The following SPATS1 variants were observed in gnomAD, a reference collection of about 807,000 sequenced individuals.
SPATS1 encodes spermatogenesis associated serine rich 1.
SPATS1 carries 23 observed loss-of-function variants against 33.6 expected under a neutral mutation model. The observed-to-expected ratio is 0.68, with a 90% CI of 0.49 to 0.97. The LOEUF (loss-of-function observed/expected upper bound fraction) is 0.97. Among genes scored for constraint, SPATS1 ranks in the 50% least tolerant of loss-of-function variants. The probability of loss-of-function intolerance (pLI) is 0.00; values close to 1 mark genes in which losing one functional copy is unlikely to be tolerated. For synonymous variants in SPATS1, 131 were observed against 125.6 expected (o/e 1.04, Z -0.29); for missense variants, 327 against 361.0 (o/e 0.91, Z 0.76).
chr6:44,351,808 AC>A (rs1788263042), intron 2 of SPATS1, among the ~76,000 whole-genome samples: 1 of 152,162 alleles, frequency 6.6e-6, no homozygotes, highest in Non-Finnish European at 1.5e-5. Flanking sequence ...TTTATTGAGC[AC>A]CTGCTTTGTG....
At chr6:44,353,711 T>C (rs1354338980) in intron 3 of SPATS1, among the ~76,000 whole-genome samples, 3 of 152,174 alleles carry the variant, frequency 2.0e-5, no homozygotes, top group Non-Finnish European at 4.4e-5. Context: ...AAGTTTATTG[T>C]AGAAAATTTG....
In SPATS1 at chr6:44,377,855, C is replaced by G. The variant is rs1402829672; in HGVS notation, c.*792C>G. On this transcript the variant is annotated 3_prime_UTR_variant, in exon 9 of 9. Transcript: ENST00000674044. ...GAGGGCTCTGGTCTCATGACCTAAT[C>G]GCCTCCCAATGGCCTTACCTCCTAA... 1 of 152,188 alleles carries G rather than the reference C, an allele frequency of 6.6e-6. No homozygotes were observed. The highest frequency in any genetic ancestry group is 1.5e-5 in the Non-Finnish European group (1 of 68,078). 9.4% of individuals were successfully genotyped at this position (152,188 alleles called of 1,614,324 possible).
intron 1 of SPATS1, 119 bp downstream of exon 1, chr6:44,342,887 G>A (rs1583073654): frequency 1.6e-6 from 2 of 1,285,202 alleles, no homozygotes; most frequent in Admixed American, 2.3e-5. Context: ...AGCCTGGTTC[G>A]GGCTGGGGGC....
intron 1 of SPATS1, 54 bp from the exon 2 acceptor site, chr6:44,343,042 G>A (rs1175807093): frequency 1.2e-6 from 2 of 1,605,372 alleles, no homozygotes; most frequent in Non-Finnish European, 1.7e-6. Context: ...TTCTTACGAG[G>A]GACTTTCTTT....
intron 2 of SPATS1, 100 bp downstream of exon 2, chr6:44,343,334 A>C: frequency 2.1e-6 from 3 of 1,416,254 alleles, no homozygotes; most frequent in Non-Finnish European, 2.0e-6. Flanking sequence ...TGAAGTTTAG[A>C]AGGAAGCTAG....
At chr6:44,352,444 C>T (rs1432051646) in intron 2 of SPATS1, among the ~76,000 whole-genome samples, 14 of 152,110 alleles carry the variant, frequency 9.2e-5, no homozygotes, top group Non-Finnish European at 1.3e-4. Flanking sequence ...CCACGCCGGG[C>T]CTAGATGTTT....
At chr6:44,352,680 T>C in intron 2 of SPATS1, 46 bp from the exon 3 acceptor site, 2 of 1,560,296 alleles carry the variant, frequency 1.3e-6, no homozygotes, top group South Asian at 2.2e-5. Context: ...TAGGGTGGAA[T>C]GTATTTTCAA....
intron 2 of SPATS1, 49 bp downstream of exon 2, chr6:44,343,283 T>A: frequency 3.9e-6 from 6 of 1,540,736 alleles, no homozygotes; most frequent in East Asian, 5.2e-5. Flanking sequence ...CACATCCAAG[T>A]ATACTACACC....
intron 7 of SPATS1, among the ~76,000 whole-genome samples, chr6:44,375,548 G>A (rs529526937): frequency 6.6e-6 from 1 of 152,308 alleles, no homozygotes; most frequent in East Asian, 1.9e-4. Flanking sequence ...GGTGGCTCAT[G>A]CCTGTAATCT....
intron 2 of SPATS1, among the ~76,000 whole-genome samples, chr6:44,351,122 C>CAAAA (rs34139961): frequency 2.3e-4 from 17 of 75,490 alleles, no homozygotes; most frequent in African/African-American, 4.6e-4. Flanking sequence ...GACTCTGTGT[C>CAAAA]AAAAAAAAAA....
intron 2 of SPATS1, among the ~76,000 whole-genome samples, chr6:44,345,119 T>A (rs1313362137): frequency 6.6e-6 from 1 of 152,054 alleles, no homozygotes; most frequent in East Asian, 1.9e-4. Flanking sequence ...TATTAGTAAG[T>A]GTTCAGGCTT....
Position 44,352,871 on chromosome 6 carries a change from A to AGAGT in SPATS1, c.286_287+2dup. ...GCCTCCCCAGAGTGTCTGCTTACGT[A>AGAGT]GAGTAAGTAAGGGTCTGGTGCAGAG... is the stretch of plus-strand genomic sequence containing the variant. On this transcript the variant is annotated frameshift_variant and splice_region_variant, in exon 3 of 9. Transcript: ENST00000674044. LOFTEE classifies it high-confidence loss of function. 6.2e-7 allele frequency: 1 copy of AGAGT among 1,613,996 alleles called. No homozygotes were observed. The highest frequency in any genetic ancestry group is 2.2e-5 in the East Asian group (1 of 44,872).
chr6:44,361,851 T>C lies in SPATS1; in HGVS notation c.433T>C (p.Trp145Arg). ...TGCAGAAGATGGGCATCGTCCTGAG[T>C]GGACATTTTACCCAAGGTTTAGCAG... ...LQTKDGHRPE[W>R]TFYPRFSSNI... is the part of the protein sequence containing the mutation. The change falls in exon 5 of 9, where the codon TGG (tryptophan) becomes CGG (arginine). Residue 145 changes from tryptophan (W) to arginine (R), a missense_variant. Coordinates refer to ENST00000674044, the MANE Select transcript of SPATS1 (RefSeq NM_001372081.1). The C allele has an allele frequency of 6.2e-7, 1 of 1,614,176 alleles. No homozygotes were observed. The highest frequency in any genetic ancestry group is 8.5e-7 in the Non-Finnish European group (1 of 1,180,042).
intron 7 of SPATS1, among the ~76,000 whole-genome samples, chr6:44,375,975 A>G (rs896945838): frequency 6.6e-6 from 1 of 151,924 alleles, no homozygotes; most frequent in Non-Finnish European, 1.5e-5. Context: ...ATGTGGTGGC[A>G]TGTGCCTATA....
In SPATS1 at chr6:44,376,306, T is replaced by A; in HGVS notation, c.759-52T>A. 8 of 1,185,416 alleles carry A rather than the reference T, an allele frequency of 6.7e-6. No homozygotes were observed. The South Asian group carries it at 9.1e-5, about 13-fold the overall frequency. The allele number at this position is 1,185,416 out of a possible 1,614,324, so 73.4% of individuals were successfully genotyped here. A position where few individuals can be genotyped will look rare whatever the true frequency, so the allele number is the denominator to read the frequency against. ...CATAATTTCTTATCCGCTGTTGGTG[T>A]TTGTAAATTTTGCATCAAACTACAA... On this transcript the variant is annotated intron_variant, in intron 7 of 8. Transcript: ENST00000674044.
At chr6:44,362,418 T>C (rs1319130896) in intron 5 of SPATS1, among the ~76,000 whole-genome samples, 4 of 152,188 alleles carry the variant, frequency 2.6e-5, no homozygotes, top group African/African-American at 9.6e-5. Flanking sequence ...TTTATTTTAT[T>C]GCTGATTTAA....
rs1440611745 is a variant in SPATS1 at position 44,379,883 on chromosome 6, G to A, written c.*2820G>A. Among the ~76,000 whole-genome samples the A allele has an allele frequency of 3.3e-5, 5 of 151,884 alleles. No homozygotes were observed. The South Asian group carries it at 1.0e-3, about 32-fold the overall frequency. On this transcript the variant is annotated 3_prime_UTR_variant, in exon 9 of 9. Transcript: ENST00000674044. ...CTACATTTCATCCCCTGAAAATCAG[G>A]GCAGTTTTCGCTGGATCTGGTGTTC...
rs191249820 is a variant in SPATS1 at position 44,369,261 on chromosome 6, G to T, written c.695+762G>T. On this transcript the variant is annotated intron_variant, in intron 6 of 8. Transcript: ENST00000674044. ...AAAATGATCAAAACTAAAATCTGTG[G>T]GCCGGGCGCGGTGGCTCACGCCTGT... is the stretch of plus-strand genomic sequence containing the variant. 8.2e-3 allele frequency among the ~76,000 whole-genome samples: 1,249 copies of T among 152,260 alleles called. 9 individuals carry two copies. Among genetic ancestry groups the T allele is most frequent in the South Asian group, 0.017 (80 of 4,826 alleles).
At chr6:44,363,103 C>T (rs1386962060) in intron 5 of SPATS1, among the ~76,000 whole-genome samples, 2 of 151,102 alleles carry the variant, frequency 1.3e-5, no homozygotes, top group East Asian at 3.9e-4. Context: ...TCCCAAAGTG[C>T]TGGGATTACA....
Sources: allele counts gnomAD v4.1 joint callset (sites outside exome capture counted in the v4.1 genomes callset), GRCh38; gene constraint gnomAD v4.1.1; transcripts MANE v1.5; gene names NCBI Gene and HGNC (gene_info 2026-07-23, HGNC 2026-07-21).